Variants in SCRN1 observed in about 807,000 individuals in gnomAD.
SCRN1 encodes the protein secernin-1.
A neutral mutation model predicts 43.3 loss-of-function variants in SCRN1; 19 were observed. The ratio of observed to expected loss-of-function variants is 0.44; its 90% CI spans 0.31 to 0.64. SCRN1 has a LOEUF of 0.64. SCRN1 is among the 30% of genes least tolerant of loss of function. The probability of loss-of-function intolerance (pLI) is 0.09; values close to 1 mark genes in which losing one functional copy is unlikely to be tolerated. For missense variants in SCRN1, 447 were observed against 524.1 expected, an observed-to-expected ratio of 0.85 and a Z score of 1.44; for synonymous variants, 183 against 188.9, an observed-to-expected ratio of 0.97 and a Z score of 0.26.
chr7:29,967,444 G>A (rs1280866494), intron 2 of SCRN1, among the ~76,000 whole-genome samples: 2 of 147,896 alleles, frequency 1.4e-5, no homozygotes, highest in Non-Finnish European at 3.0e-5. Flanking sequence ...GTCCAGGCTG[G>A]TCTCAACTTC....
At chr7:29,937,470 T>C (rs759365170) in intron 5 of SCRN1, among the ~76,000 whole-genome samples, 1 of 152,106 alleles carries the variant, frequency 6.6e-6, no homozygotes, top group Non-Finnish European at 1.5e-5. Flanking sequence ...TTAAGCTACG[T>C]TAATTTGGGG....
At chr7:29,926,412 C>T in intron 7 of SCRN1, 40 bp downstream of exon 7, 5 of 1,592,614 alleles carry the variant, frequency 3.1e-6, no homozygotes, top group South Asian at 2.2e-5. Context: ...CTCGCCCGCC[C>T]GCCTCCGCCT....
chr7:29,984,507 C>T (rs1369767372), intron 1 of SCRN1, among the ~76,000 whole-genome samples: 2 of 151,046 alleles, frequency 1.3e-5, no homozygotes, highest in African/African-American at 4.9e-5. Context: ...CTCTTACATA[C>T]CAATAAGAAA....
At chr7:29,977,265 T>C (rs1245865769) in intron 1 of SCRN1, among the ~76,000 whole-genome samples, 2 of 152,228 alleles carry the variant, frequency 1.3e-5, no homozygotes, top group African/African-American at 4.8e-5. Context: ...CCAGCTTTAT[T>C]GAGCAGACTG....
intron 6 of SCRN1, among the ~76,000 whole-genome samples, chr7:29,935,458 C>T (rs1787292158): frequency 6.6e-6 from 1 of 152,196 alleles, no homozygotes; most frequent in African/African-American, 2.4e-5. Context: ...AGCTGACTTT[C>T]AGACACTGAT....
chr7:29,954,816 G>T (rs142998643), intron 3 of SCRN1, among the ~76,000 whole-genome samples: 2,854 of 152,234 alleles, frequency 0.019, 39 homozygotes, highest in East Asian at 0.041. Flanking sequence ...GAGTAGCTGG[G>T]ATTATAGGCG....
intron 6 of SCRN1, among the ~76,000 whole-genome samples, chr7:29,927,120 C>T (rs1187137158): frequency 6.6e-6 from 1 of 151,760 alleles, no homozygotes; most frequent in East Asian, 1.9e-4. Context: ...ATATCTCTGA[C>T]AGACCCAAGG....
At chr7:29,931,187 T>C (rs867596644) in intron 6 of SCRN1, among the ~76,000 whole-genome samples, 2 of 152,262 alleles carry the variant, frequency 1.3e-5, no homozygotes, top group Admixed American at 6.5e-5. Context: ...TATTTTCCAA[T>C]CATTTGTTTT....
intron 1 of SCRN1, among the ~76,000 whole-genome samples, chr7:29,986,522 C>A (rs925913328): frequency 4.6e-5 from 7 of 151,822 alleles, no homozygotes; most frequent in South Asian, 2.1e-4. Context: ...CTGGTGGCTA[C>A]CAGATGAAAC....
chr7:29,941,586 G>A (rs951344910), intron 4 of SCRN1, among the ~76,000 whole-genome samples: 3 of 152,112 alleles, frequency 2.0e-5, no homozygotes, highest in Admixed American at 1.3e-4. Context: ...GTGTGCATGC[G>A]TGTGTGTATG....
chr7:29,972,904 G>A (rs536944966), intron 1 of SCRN1, among the ~76,000 whole-genome samples: 1 of 152,262 alleles, frequency 6.6e-6, no homozygotes, highest in East Asian at 1.9e-4. Context: ...TATTCAAAAC[G>A]TAAATTAATT....
At chr7:29,984,639 C>T (rs1453990550) in intron 1 of SCRN1, among the ~76,000 whole-genome samples, 1 of 151,604 alleles carries the variant, frequency 6.6e-6, no homozygotes, top group African/African-American at 2.4e-5. Flanking sequence ...TAGAGAATTA[C>T]AAATTAAAGG....
chr7:29,936,523 T>C (rs765188462), intron 6 of SCRN1, 33 bp downstream of exon 6: 8 of 1,511,530 alleles, frequency 5.3e-6, no homozygotes, highest in East Asian at 2.3e-5. Context: ...GAAGCACTTA[T>C]GTTCTGCCTA....
At position 29,947,108 on chromosome 7, in the gene SCRN1, T is replaced by C. The variant is rs533351826; in HGVS notation, c.342-2929A>G. 12 of 1,444,352 alleles carry C rather than the reference T, an allele frequency of 8.3e-6. No homozygotes were observed. The South Asian group carries it at 8.5e-5, about 10-fold the overall frequency. 89.5% of individuals were successfully genotyped at this position (1,444,352 alleles called of 1,614,324 possible). The stretch of plus-strand genomic sequence containing the variant: ...GGACAGGGAAGGGGAAGAAACTCAA[T>C]GGGCCAAGGTTAGAGTTCCACTGTA... On this transcript the variant is annotated intron_variant, in intron 3 of 7. Transcript: ENST00000242059.
chr7:29,952,233 G>A lies in SCRN1; in HGVS notation c.341+2946C>T, dbSNP rs147028503. On this transcript the variant is annotated intron_variant, in intron 3 of 7. Transcript: ENST00000242059. ...GGCCCCTGGGTGTGAAATAGGGACC[G>A]ACAATTTACATTTCTAGCAAGTTCC... Among the ~76,000 whole-genome samples, 736 of 152,306 alleles carry A rather than the reference G, an allele frequency of 4.8e-3. 10 individuals are homozygous for A. Among genetic ancestry groups the A allele is most frequent in the African/African-American group, 0.017 (704 of 41,566 alleles).
Position 29,924,010 on chromosome 7 carries a change from C to G in SCRN1, c.1192G>C (p.Val398Leu). 6.2e-7 allele frequency: 1 copy of G among 1,614,178 alleles called. No individual in the cohort carries two copies. The highest frequency in any genetic ancestry group is 1.1e-5 in the South Asian group (1 of 91,072). ...ACACAGTCATAGAAAAGGTCCCCCACTTCCGCAGGGTCCAGTGGCTCGGAG... is the reference window on the plus strand; with the variant it reads ...ACACAGTCATAGAAAAGGTCCCCCAGTTCCGCAGGGTCCAGTGGCTCGGAG... ...TSSEPLDPAE[V>L]GDLFYDCVDT... is the part of the protein sequence containing the mutation. Residue 398 changes from valine (V) to leucine (L), a missense_variant, in exon 8 of 8, where the codon GTG (valine) becomes CTG (leucine). Transcript: ENST00000242059.
At chr7:29,976,990 G>A (rs1788855333) in intron 1 of SCRN1, among the ~76,000 whole-genome samples, 1 of 152,212 alleles carries the variant, frequency 6.6e-6, no homozygotes, top group South Asian at 2.1e-4. Flanking sequence ...TATTGAAGGC[G>A]TGAATGCTCT....
At chr7:29,988,178 A>G (rs1257568227) in intron 1 of SCRN1, among the ~76,000 whole-genome samples, 2 of 152,146 alleles carry the variant, frequency 1.3e-5, no homozygotes, top group African/African-American at 2.4e-5. Flanking sequence ...TGTTATGTGC[A>G]CTGCTCTTGG....
intron 1 of SCRN1, among the ~76,000 whole-genome samples, chr7:29,969,496 A>G (rs774670791): frequency 3.9e-5 from 6 of 152,238 alleles, no homozygotes; most frequent in Non-Finnish European, 7.3e-5. Flanking sequence ...TAGCCACCAC[A>G]TAACAGATTT....
Sources: gnomAD v4.1 joint callset for allele counts (sites outside exome capture counted in the v4.1 genomes callset) on GRCh38, gnomAD v4.1.1 for gene constraint, MANE v1.5 for transcripts, NCBI Gene and HGNC (gene_info 2026-07-23, HGNC 2026-07-21) for gene names.